Variants in SETD5 observed in about 807,000 individuals in gnomAD.
The protein encoded by SETD5 is histone-lysine N-methyltransferase SETD5.
Under a neutral mutation model 153.3 loss-of-function variants are expected in SETD5, and 44 were observed. The observed-to-expected ratio is 0.29, with a 90% confidence interval of 0.23 to 0.37. The LOEUF (loss-of-function observed/expected upper bound fraction) is 0.37. Ranked by LOEUF, SETD5 falls within the 10% of genes least tolerant of loss-of-function variation. The pLI, the probability that SETD5 is intolerant of heterozygous loss-of-function variation, is 1.00. For missense variants in SETD5, 1,544 were observed against 1,768.0 expected (o/e 0.87, Z 2.27); for synonymous variants, 716 against 645.2 (o/e 1.11, Z -1.66).
intron 17 of SETD5, among the ~76,000 whole-genome samples, chr3:9,458,242 GCAAGACC>G (rs1211045373): frequency 6.6e-6 from 1 of 152,116 alleles, no homozygotes; most frequent in Non-Finnish European, 1.5e-5. Flanking sequence ...GCGCAACACA[GCAAGACC>G]TTGTCTTCAA....
chr3:9,434,773 T>G lies in SETD5; in HGVS notation c.330-51T>G. ...GACACTTCGCCCATGTGTGCTATGA[T>G]GTGATGCATGCTGTTGGAAGGACTA... On this transcript the variant is annotated intron_variant, in intron 5 of 22. Coordinates refer to ENST00000402198, the MANE Select transcript of SETD5 (RefSeq NM_001080517.3). This position sits in a 1 kb window ranked among gnomAD's most constrained non-coding sequence, Gnocchi z 5.6. 3.2e-6 allele frequency: 5 copies of G among 1,578,890 alleles called. No homozygotes were observed. Among genetic ancestry groups the G allele is most frequent in the Non-Finnish European group, 4.3e-6 (5 of 1,161,036 alleles).
chr3:9,429,721 A>C, intron 3 of SETD5: 1 of 591,944 alleles, frequency 1.7e-6, no homozygotes, highest in Non-Finnish European at 2.5e-6. Context: ...TAAAATTTTT[A>C]GTCTTTTGTA....
intron 1 of SETD5, among the ~76,000 whole-genome samples, chr3:9,405,543 TTG>T (rs1267806076): frequency 6.6e-6 from 1 of 152,250 alleles, no homozygotes; most frequent in African/African-American, 2.4e-5. Context: ...ATCATTTTTA[TTG>T]TCTTTCAATG....
chr3:9,433,184 T>C (rs2040174241), intron 3 of SETD5, among the ~76,000 whole-genome samples: 2 of 152,370 alleles, frequency 1.3e-5, no homozygotes, highest in South Asian at 4.1e-4. Flanking sequence ...CTTTACAGTT[T>C]AGTTTTTATT....
intron 17 of SETD5, among the ~76,000 whole-genome samples, chr3:9,459,054 A>G (rs760066167): frequency 6.6e-6 from 1 of 152,150 alleles, no homozygotes; most frequent in Non-Finnish European, 1.5e-5. Context: ...CTCTTGGAAA[A>G]TATTTTCTGC....
intron 22 of SETD5, 123 bp downstream of exon 22, chr3:9,475,279 T>A: frequency 8.6e-7 from 1 of 1,156,976 alleles, no homozygotes; most frequent in Non-Finnish European, 1.2e-6. Context: ...TGGAAATAAG[T>A]CATCATCTGC....
At chr3:9,454,065 C>T in intron 17 of SETD5, 197 bp downstream of exon 17, 1 of 447,736 alleles carries the variant, frequency 2.2e-6, no homozygotes, top group Non-Finnish European at 3.7e-6. Context: ...AAGGACTAGA[C>T]AGTGTACAGA....
At chr3:9,418,703 T>C (rs1175840524) in intron 1 of SETD5, among the ~76,000 whole-genome samples, 1 of 151,084 alleles carries the variant, frequency 6.6e-6, no homozygotes, top group Non-Finnish European at 1.5e-5. Context: ...CTCAGGAGGC[T>C]GAGACAAGAG....
chr3:9,467,043 A>G (rs943019983), intron 18 of SETD5, among the ~76,000 whole-genome samples: 62 of 151,702 alleles, frequency 4.1e-4, no homozygotes, highest in African/African-American at 1.4e-3. Flanking sequence ...TAATTTAAAG[A>G]CCAGCTTAGG....
intron 13 of SETD5, 50 bp from the exon 14 acceptor site, chr3:9,447,000 A>G (rs1300169852): frequency 3.6e-6 from 5 of 1,386,118 alleles, no homozygotes; most frequent in Non-Finnish European, 3.0e-6. Context: ...AAAGCTATCC[A>G]CTCGTCCTCA....
intron 1 of SETD5, among the ~76,000 whole-genome samples, chr3:9,399,927 C>T (rs1474532850): frequency 8.6e-5 from 13 of 151,972 alleles, no homozygotes; most frequent in African/African-American, 2.9e-4. Flanking sequence ...AAGGCAGCAG[C>T]AGCTGCTGGC....
chr3:9,428,357 G>T (rs951670975), intron 2 of SETD5, among the ~76,000 whole-genome samples: 3 of 152,174 alleles, frequency 2.0e-5, no homozygotes, highest in Non-Finnish European at 2.9e-5. Flanking sequence ...TAATTTGGAA[G>T]AAATAACATT....
At chr3:9,400,365 T>C (rs539866319) in intron 1 of SETD5, among the ~76,000 whole-genome samples, 3 of 152,232 alleles carry the variant, frequency 2.0e-5, no homozygotes, top group Non-Finnish European at 4.4e-5. Flanking sequence ...AGAATCTTTC[T>C]GATAACCACA....
intron 1 of SETD5, among the ~76,000 whole-genome samples, chr3:9,401,200 G>A (rs900761749): frequency 1.3e-5 from 2 of 152,152 alleles, no homozygotes; most frequent in South Asian, 2.1e-4. Context: ...ATTTTAGGAG[G>A]TTCCAATTCT....
At chr3:9,421,401 G>C (rs555514667) in intron 1 of SETD5, among the ~76,000 whole-genome samples, 1 of 152,018 alleles carries the variant, frequency 6.6e-6, no homozygotes, top group East Asian at 1.9e-4. Flanking sequence ...GCCTCCCAAA[G>C]TGCTAGGATT....
intron 1 of SETD5, among the ~76,000 whole-genome samples, chr3:9,412,234 G>A (rs886459225): frequency 6.6e-6 from 1 of 151,870 alleles, no homozygotes; most frequent in Non-Finnish European, 1.5e-5. Flanking sequence ...TGGGGTTGGA[G>A]TGAGGTTGTA....
chr3:9,430,827 T>C (rs560973630), intron 3 of SETD5: 170 of 985,376 alleles, frequency 1.7e-4, no homozygotes, highest in Non-Finnish European at 1.9e-4. Context: ...ATACTTCTGG[T>C]CTACAAATGT....
intron 2 of SETD5, among the ~76,000 whole-genome samples, chr3:9,425,772 C>T (rs2039094474): frequency 6.6e-6 from 1 of 152,058 alleles, no homozygotes; most frequent in Non-Finnish European, 1.5e-5. Flanking sequence ...GATAGGGTTT[C>T]ACCGTGAAAC....
At position 9,464,641 on chromosome 3, in the gene SETD5, C is replaced by G. The variant is rs2044347815; in HGVS notation, c.2693C>G (p.Ala898Gly). The change falls in exon 18 of 23, where the codon GCT becomes GGT. Residue 898 changes from alanine (A) to glycine (G), a missense_variant. Physicochemically the swap from Ala to Gly is moderately conservative, Grantham distance 60. Around this residue, in one of 9 missense-constraint regions of SETD5, gnomAD observed 782 missense variants for 787.2 expected, o/e 0.99. Coordinates refer to ENST00000402198, the MANE Select transcript of SETD5 (RefSeq NM_001080517.3). Reference sequence around the variant, plus strand: ...TCACCAGTCACATCTCTTACTACTGCTAGTCGCTGCAACACTCCTCTACAG... The same window carrying G: ...TCACCAGTCACATCTCTTACTACTGGTAGTCGCTGCAACACTCCTCTACAG... ...MFSPVTSLTT[A>G]SRCNTPLQFE... 6.2e-7 allele frequency: 1 copy of G among 1,614,014 alleles called. No homozygotes were observed. The highest frequency in any genetic ancestry group is 8.5e-7 in the Non-Finnish European group (1 of 1,179,892).
Sources: allele counts gnomAD v4.1 joint callset (sites outside exome capture counted in the v4.1 genomes callset), GRCh38; gene constraint gnomAD v4.1.1; regional missense constraint gnomAD v4.1.1; non-coding constraint Gnocchi (gnomAD v3.1); transcripts MANE v1.5; gene names NCBI Gene and HGNC (gene_info 2026-07-23, HGNC 2026-07-21).